PTPRM: variants seen among roughly 807,000 people sequenced by gnomAD.
The protein encoded by PTPRM is protein tyrosine phosphatase receptor type M, also known as receptor-type tyrosine-protein phosphatase mu.
PTPRM carries 47 observed loss-of-function variants against 186.7 expected under a neutral mutation model. The observed-to-expected ratio is 0.25, with a 90% CI of 0.20 to 0.32. The LOEUF is 0.32. Among genes scored for constraint, PTPRM ranks in the 10% least tolerant of loss-of-function variants. The pLI, the probability that PTPRM is intolerant of heterozygous loss-of-function variation, is 1.00. For missense variants in PTPRM, 1,494 were observed against 1,865.0 expected, an observed-to-expected ratio of 0.80 and a Z score of 3.66; for synonymous variants, 668 against 674.9, an observed-to-expected ratio of 0.99 and a Z score of 0.16.
In PTPRM at chr18:7,716,945, T is replaced by C. The variant is rs1598426938; in HGVS notation, c.74-57204T>C. On this transcript the variant is annotated intron_variant, in intron 1 of 32. Coordinates refer to ENST00000580170, the MANE Select transcript of PTPRM (RefSeq NM_001105244.2). ...AATTCCTAGAAACTAGAAAACCATT[T>C]GACCCAGCAATCCCATCACTGGGTA... is the stretch of plus-strand genomic sequence containing the variant. Among the ~76,000 whole-genome samples, 5 of 152,318 alleles carry C rather than the reference T, an allele frequency of 3.3e-5. No homozygotes were observed. The South Asian group carries it at 1.0e-3, about 32-fold the overall frequency.
intron 19 of PTPRM, among the ~76,000 whole-genome samples, chr18:8,292,203 A>G (rs902559249): frequency 1.3e-5 from 2 of 152,194 alleles, no homozygotes; most frequent in African/African-American, 2.4e-5. Context: ...TTTTTGTCTC[A>G]CTTTAGGCAT....
chr18:8,023,982 G>T (rs186113850), intron 7 of PTPRM, among the ~76,000 whole-genome samples: 1 of 151,964 alleles, frequency 6.6e-6, no homozygotes, highest in African/African-American at 2.4e-5. Flanking sequence ...AATTACTCAC[G>T]TAACTGCTTC....
intron 4 of PTPRM, among the ~76,000 whole-genome samples, chr18:7,913,955 G>A (rs1000816578): frequency 6.6e-6 from 1 of 152,066 alleles, no homozygotes; most frequent in Admixed American, 6.6e-5. Context: ...AAATATTAAA[G>A]TTTATAATAT....
chr18:8,304,532 T>G (rs1391804273), intron 20 of PTPRM, among the ~76,000 whole-genome samples: 1 of 152,222 alleles, frequency 6.6e-6, no homozygotes, highest in Non-Finnish European at 1.5e-5. Flanking sequence ...GTCGTTTTTA[T>G]GCAGATGGAG....
chr18:8,204,812 C>T (rs767806278), intron 14 of PTPRM, among the ~76,000 whole-genome samples: 2 of 151,942 alleles, frequency 1.3e-5, no homozygotes. Context: ...CTTCCCATCA[C>T]AAAACCAATT....
At chr18:8,301,886 G>T (rs549238878) in intron 20 of PTPRM, among the ~76,000 whole-genome samples, 2 of 152,338 alleles carry the variant, frequency 1.3e-5, no homozygotes, top group African/African-American at 2.4e-5. Flanking sequence ...TCCCAGAGGG[G>T]ATGAGATGCC....
chr18:8,296,342 A>T, intron 19 of PTPRM, 26 bp from the exon 20 acceptor site: 1 of 1,476,210 alleles, frequency 6.8e-7, no homozygotes, highest in Non-Finnish European at 9.5e-7. Flanking sequence ...GCCAAATTGT[A>T]ATTCTCAGTC....
At chr18:8,031,437 C>T (rs887811756) in intron 7 of PTPRM, among the ~76,000 whole-genome samples, 8 of 151,998 alleles carry the variant, frequency 5.3e-5, no homozygotes, top group Admixed American at 4.6e-4. Flanking sequence ...TCAACAAACA[C>T]GGCAATAATT....
At chr18:7,593,506 C>T (rs1402132429) in intron 1 of PTPRM, among the ~76,000 whole-genome samples, 1 of 152,172 alleles carries the variant, frequency 6.6e-6, no homozygotes, top group Non-Finnish European at 1.5e-5. Flanking sequence ...TCTAATTAAT[C>T]TTGGCTGACA....
At chr18:8,394,886 A>G in intron 32 of PTPRM, among the ~76,000 whole-genome samples, 1 of 152,204 alleles carries the variant, frequency 6.6e-6, no homozygotes, top group East Asian at 1.9e-4. Flanking sequence ...CCTTCCTGGC[A>G]GTGCCTTCCA....
At chr18:7,748,412 C>T (rs2041050597) in intron 1 of PTPRM, among the ~76,000 whole-genome samples, 1 of 152,258 alleles carries the variant, frequency 6.6e-6, no homozygotes, top group Non-Finnish European at 1.5e-5. Flanking sequence ...CCTTCTTCCT[C>T]CCCTTCCTCT....
intron 5 of PTPRM, among the ~76,000 whole-genome samples, chr18:7,943,465 A>G (rs2052323515): frequency 1.3e-5 from 2 of 152,142 alleles, no homozygotes; most frequent in African/African-American, 4.8e-5. Flanking sequence ...ATCAAGATGC[A>G]CGACCCCTGG....
intron 1 of PTPRM, among the ~76,000 whole-genome samples, chr18:7,580,077 C>A (rs1255637955): frequency 6.6e-6 from 1 of 152,178 alleles, no homozygotes; most frequent in Non-Finnish European, 1.5e-5. Flanking sequence ...TAGCTGTCAC[C>A]TCGATAAGTT....
intron 2 of PTPRM, among the ~76,000 whole-genome samples, chr18:7,879,221 C>A (rs965052172): frequency 1.3e-5 from 2 of 152,222 alleles, no homozygotes; most frequent in Non-Finnish European, 2.9e-5. Context: ...CAGTGAGCCT[C>A]TTCCAATACT....
chr18:8,230,413 T>C (rs567328240), intron 14 of PTPRM, among the ~76,000 whole-genome samples: 2 of 152,294 alleles, frequency 1.3e-5, no homozygotes, highest in Non-Finnish European at 2.9e-5. Context: ...ATGGACAGTG[T>C]CCAGACATAA....
chr18:7,899,370 T>C (rs946340252), intron 3 of PTPRM, among the ~76,000 whole-genome samples: 1 of 152,162 alleles, frequency 6.6e-6, no homozygotes, highest in African/African-American at 2.4e-5. Flanking sequence ...TTTGCAAGTA[T>C]TGATTTTTGG....
At chr18:7,996,723 G>A (rs79780534) in intron 7 of PTPRM, among the ~76,000 whole-genome samples, 2,208 of 151,096 alleles carry the variant, frequency 0.015, 55 homozygotes, top group African/African-American at 0.051. Flanking sequence ...AACAAAAGTC[G>A]GTAGCATTTC....
intron 1 of PTPRM, among the ~76,000 whole-genome samples, chr18:7,628,168 A>G (rs1048595402): frequency 2.0e-5 from 3 of 152,142 alleles, no homozygotes; most frequent in Non-Finnish European, 4.4e-5. Context: ...ACACACAAAC[A>G]CACATGCACG....
chr18:7,695,690 C>G (rs1310806439), intron 1 of PTPRM, among the ~76,000 whole-genome samples: 2 of 152,070 alleles, frequency 1.3e-5, no homozygotes, highest in African/African-American at 4.8e-5. Flanking sequence ...ATTATCTGCT[C>G]TGTTGGCTTC....
Sources: allele counts gnomAD v4.1 joint callset (sites outside exome capture counted in the v4.1 genomes callset), GRCh38; gene constraint gnomAD v4.1.1; transcripts MANE v1.5; gene names NCBI Gene and HGNC (gene_info 2026-07-23, HGNC 2026-07-21).